Variants in PCDHA10 observed in about 807,000 individuals in gnomAD.
PCDHA10 encodes the protein protocadherin alpha-10.
PCDHA10 carries 45 observed loss-of-function variants against 61.2 expected under a neutral mutation model. The observed-to-expected ratio is 0.74, with a 90% confidence interval of 0.58 to 0.94. The LOEUF (loss-of-function observed/expected upper bound fraction) is 0.94, where lower values mean the gene tolerates loss of function less well. Among genes scored for constraint, PCDHA10 ranks in the 40% least tolerant of loss-of-function variants. The probability of loss-of-function intolerance (pLI) is 0.00; values close to 1 mark genes in which losing one functional copy is unlikely to be tolerated. For synonymous variants in PCDHA10, 602 were observed against 548.8 expected (o/e 1.10, Z -1.35); for missense variants, 1,278 against 1,236.2 (o/e 1.03, Z -0.51).
At chr5:140,971,977 G>A (rs891260348) in intron 1 of PCDHA10, among the ~76,000 whole-genome samples, 1 of 152,022 alleles carries the variant, frequency 6.6e-6, no homozygotes, top group Non-Finnish European at 1.5e-5. Context: ...AATACTATGA[G>A]TAGACAGAAG....
intron 1 of PCDHA10, among the ~76,000 whole-genome samples, chr5:140,941,214 C>CCTTCCTTTCTTTCTTTCTTTCTTT (rs1554214040): frequency 1.1e-4 from 13 of 122,412 alleles, no homozygotes; most frequent in Non-Finnish European, 1.5e-4. Flanking sequence ...TTTCTTTCTT[C>CCTTCCTTTCTTTCTTTCTTTCTTT]CTTTCTTTCT....
intron 1 of PCDHA10, chr5:140,966,610 C>A: frequency 1.4e-6 from 1 of 715,490 alleles, no homozygotes; most frequent in Non-Finnish European, 2.1e-6. Context: ...CTTGGGAGGG[C>A]CTACGGAGGG....
chr5:140,883,870 G>T, intron 1 of PCDHA10: 1 of 1,613,302 alleles, frequency 6.2e-7, no homozygotes, highest in South Asian at 1.1e-5. Context: ...TGCAGTTCCA[G>T]GTGAGCGCGC....
chr5:140,929,713 G>A (rs1328262633), intron 1 of PCDHA10: 3 of 235,294 alleles, frequency 1.3e-5, no homozygotes, highest in Non-Finnish European at 2.6e-5. Flanking sequence ...TAATATGGAA[G>A]GTGAAACATT....
chr5:140,936,545 G>A (rs1456098221), intron 1 of PCDHA10, among the ~76,000 whole-genome samples: 1 of 152,202 alleles, frequency 6.6e-6, no homozygotes, highest in African/African-American at 2.4e-5. Context: ...ATAGTGCAAT[G>A]TAGAAGTCAA....
chr5:140,941,310 C>T (rs1375547519), intron 1 of PCDHA10, among the ~76,000 whole-genome samples: 10 of 79,218 alleles, frequency 1.3e-4, no homozygotes, highest in Non-Finnish European at 1.8e-4. Flanking sequence ...CTTTCTTTTT[C>T]TTCTTTCTCT....
intron 1 of PCDHA10, among the ~76,000 whole-genome samples, chr5:140,905,079 T>C (rs2071581588): frequency 6.6e-6 from 1 of 152,168 alleles, no homozygotes; most frequent in Admixed American, 6.5e-5. Context: ...AGTTGCACTT[T>C]CTTTTGGGTT....
intron 1 of PCDHA10, chr5:140,928,707 C>T: frequency 6.2e-7 from 1 of 1,614,184 alleles, no homozygotes; most frequent in South Asian, 1.1e-5. Flanking sequence ...GGGCGTCTGA[C>T]TCTAGTCTCT....
At chr5:140,922,891 G>GA (rs1554201035) in intron 1 of PCDHA10, among the ~76,000 whole-genome samples, 2 of 152,160 alleles carry the variant, frequency 1.3e-5, no homozygotes, top group Non-Finnish European at 2.9e-5. Context: ...CATCATTCAA[G>GA]AAAAAATTTT....
At chr5:140,878,099 C>T (rs1270449354) in intron 1 of PCDHA10, 2 of 277,184 alleles carry the variant, frequency 7.2e-6, no homozygotes, top group Non-Finnish European at 1.3e-5. Flanking sequence ...GACTGATGAA[C>T]CTTGAAAAAA....
chr5:140,954,225 A>G (rs1554221300), intron 1 of PCDHA10, among the ~76,000 whole-genome samples: 1 of 152,242 alleles, frequency 6.6e-6, no homozygotes, highest in Admixed American at 6.5e-5. Context: ...TGCTATTGTG[A>G]ATAGTGCTGC....
chr5:140,870,729 G>T (rs782392672), intron 1 of PCDHA10: 7 of 1,613,306 alleles, frequency 4.3e-6, no homozygotes, highest in Non-Finnish European at 5.1e-6. Flanking sequence ...CGGGCGTGCC[G>T]CCTCTGAGCA....
chr5:140,949,958 T>G (rs1192385409), intron 1 of PCDHA10, among the ~76,000 whole-genome samples: 1 of 151,896 alleles, frequency 6.6e-6, no homozygotes, highest in Non-Finnish European at 1.5e-5. Context: ...GTGGTTGCTG[T>G]AAGGATTACA....
At chr5:140,931,783 T>A (rs2087751344) in intron 1 of PCDHA10, among the ~76,000 whole-genome samples, 1 of 151,996 alleles carries the variant, frequency 6.6e-6, no homozygotes, top group African/African-American at 2.4e-5. Context: ...TTCAATTACC[T>A]ATTGATCTGA....
chr5:140,884,383 C>T lies in PCDHA10; in HGVS notation c.2388+25947C>T, dbSNP rs185410866. The T allele has an allele frequency of 5.2e-5, 84 of 1,613,994 alleles. No homozygotes were observed. In the Admixed American group the frequency reaches 1.4e-3, roughly 27 times the overall value. ...ATGTTTACTTGATCATTGCCATCTG[C>T]GCGGTGTCCAGCCTGTTGGTGCTCA... On this transcript the variant is annotated intron_variant, in intron 1 of 3. Transcript: ENST00000307360.
In PCDHA10 at chr5:140,936,771, C is replaced by A. The variant is rs182480245; in HGVS notation, c.2389-42178C>A. Among the ~76,000 whole-genome samples, 20 of 152,230 alleles carry A rather than the reference C, an allele frequency of 1.3e-4. No individual in the cohort carries two copies. In the East Asian group the frequency reaches 3.5e-3, roughly 26 times the overall value. On this transcript the variant is annotated intron_variant, in intron 1 of 3. Coordinates refer to ENST00000307360, the MANE Select transcript of PCDHA10 (RefSeq NM_018901.4). ...GTATTGATATCTAATTGTGTAAGTT[C>A]TCTCACTTTGTTATTCTGCTTCAAG...
chr5:140,887,950 A>G (rs1397658604), intron 1 of PCDHA10, among the ~76,000 whole-genome samples: 1 of 152,110 alleles, frequency 6.6e-6, no homozygotes, highest in Non-Finnish European at 1.5e-5. Context: ...TATCTGTATA[A>G]GATTCTTTTT....
intron 1 of PCDHA10, among the ~76,000 whole-genome samples, chr5:140,924,615 C>G (rs142536325): frequency 6.6e-6 from 1 of 152,150 alleles, no homozygotes; most frequent in African/African-American, 2.4e-5. Flanking sequence ...ATGCCAGGTG[C>G]GGTGGCATGG....
At chr5:140,916,714 G>C (rs1457405124) in intron 1 of PCDHA10, among the ~76,000 whole-genome samples, 1 of 152,172 alleles carries the variant, frequency 6.6e-6, no homozygotes, top group African/African-American at 2.4e-5. Context: ...CAGAAGGAAG[G>C]AGTGACTTTT....
Sources: allele counts gnomAD v4.1 joint callset (sites outside exome capture counted in the v4.1 genomes callset), GRCh38; gene constraint gnomAD v4.1.1; transcripts MANE v1.5; gene names NCBI Gene and HGNC (gene_info 2026-07-23, HGNC 2026-07-21).